The following CDH22 variants were observed in gnomAD, a reference collection of about 807,000 sequenced individuals.
CDH22 encodes the protein cadherin-22.
Under a neutral mutation model 58.4 loss-of-function variants are expected in CDH22, and 30 were observed. The observed-to-expected ratio is 0.51, with a 90% confidence interval of 0.38 to 0.70. The LOEUF (loss-of-function observed/expected upper bound fraction) is 0.70, where lower values mean the gene tolerates loss of function less well. CDH22 is among the 30% of genes least tolerant of loss of function. CDH22 has a pLI of 0.00. For synonymous variants in CDH22, 513 were observed against 558.2 expected (o/e 0.92, Z 1.14); for missense variants, 1,014 against 1,233.9 (o/e 0.82, Z 2.67).
chr20:46,250,098 A>G (rs1386427269), intron 2 of CDH22, among the ~76,000 whole-genome samples: 2 of 152,238 alleles, frequency 1.3e-5, no homozygotes, highest in Non-Finnish European at 2.9e-5. Flanking sequence ...CAAGGGGCTC[A>G]GGAATTGAAT....
In CDH22 at chr20:46,210,008, A is replaced by G. The variant is rs1416970565; in HGVS notation, c.1286+299T>C. The G allele has an allele frequency of 9.4e-6, 3 of 320,040 alleles. No homozygotes were observed. The highest frequency in any genetic ancestry group is 1.7e-5 in the Non-Finnish European group (3 of 175,120). The allele number at this position is 320,040 out of a possible 1,614,324, so 19.8% of individuals were successfully genotyped here. A position where few individuals can be genotyped will look rare whatever the true frequency, so the allele number is the denominator to read the frequency against. ...GGGAGCCAGTGTGGCTGCAGCCAGC[A>G]GCGCGGAGACCCCGCCAGTGCAGTG... is the stretch of plus-strand genomic sequence containing the variant. On this transcript the variant is annotated intron_variant, in intron 7 of 11. Transcript: ENST00000537909. The surrounding 1 kb of genome is among the most constrained non-coding windows in gnomAD (Gnocchi z 4.5).
intron 2 of CDH22, among the ~76,000 whole-genome samples, chr20:46,247,925 T>C (rs2086342506): frequency 1.3e-5 from 2 of 152,166 alleles, no homozygotes; most frequent in African/African-American, 4.8e-5. Context: ...GGGTGACAAG[T>C]CACAACAGCA....
At chr20:46,183,769 G>GC (rs3092413) in intron 10 of CDH22, among the ~76,000 whole-genome samples, 152,034 of 152,254 alleles carry the variant, frequency 1, 75,907 homozygotes, top group Non-Finnish European at 1. Context: ...GGCCACTAAG[G>GC]CTCCGCATTG....
rs542341765 is a variant in CDH22 at position 46,236,127 on chromosome 20, C to T, written c.550+4836G>A. ...TCTGCCTGGAACATTCTTCTTGTAG[C>T]TTAGTGGTTGTCCAAGTATGGTCTC... On this transcript the variant is annotated intron_variant, in intron 3 of 11. Coordinates refer to ENST00000537909, the MANE Select transcript of CDH22 (RefSeq NM_021248.3). Among the ~76,000 whole-genome samples, 3 of 152,222 alleles carry T rather than the reference C, an allele frequency of 2.0e-5. No homozygotes were observed. The East Asian group carries it at 5.8e-4, about 29-fold the overall frequency.
intron 1 of CDH22, among the ~76,000 whole-genome samples, chr20:46,266,254 G>T (rs2086459115): frequency 6.6e-6 from 1 of 152,200 alleles, no homozygotes; most frequent in Non-Finnish European, 1.5e-5. Flanking sequence ...CTCTGGGCTG[G>T]GGTGGGAACT....
chr20:46,206,817 C>T (rs2086004998), intron 7 of CDH22, among the ~76,000 whole-genome samples: 1 of 152,234 alleles, frequency 6.6e-6, no homozygotes, highest in African/African-American at 2.4e-5. Context: ...GTTTTATCAT[C>T]TCTGCTTCCT....
chr20:46,287,308 T>C (rs2086580726), intron 1 of CDH22, among the ~76,000 whole-genome samples: 1 of 152,220 alleles, frequency 6.6e-6, no homozygotes, highest in Admixed American at 6.5e-5. Context: ...GAGTAAGAAG[T>C]ACTCCGTAAG....
intron 3 of CDH22, among the ~76,000 whole-genome samples, chr20:46,230,355 C>A (rs894048572): frequency 5.9e-5 from 9 of 152,198 alleles, no homozygotes; most frequent in Non-Finnish European, 1.3e-4. Context: ...TTGCTGATTT[C>A]CATGGTGTAA....
intron 4 of CDH22, chr20:46,220,529 G>C (rs998548185): frequency 1.3e-5 from 2 of 152,484 alleles, no homozygotes; most frequent in Admixed American, 6.5e-5. Context: ...CTTTGTGCTG[G>C]TCACTTGCCA....
In CDH22 at chr20:46,223,651, CTTTCTTT is replaced by C. The variant is rs1568664048; in HGVS notation, c.670+3850_670+3856del. Among the ~76,000 whole-genome samples the C allele has an allele frequency of 6.9e-4, 100 of 145,538 alleles. 1 individual carries two copies. The highest frequency in any genetic ancestry group is 1.8e-3 in the African/African-American group (70 of 39,308). ...CTTTTTTCTTTCTTTCTTTCTTTCT[CTTTCTTT>C]TTCTTTCCTTCTTTCTTTCTTTCTT... On this transcript the variant is annotated intron_variant, in intron 4 of 11. Coordinates refer to ENST00000537909, the MANE Select transcript of CDH22 (RefSeq NM_021248.3).
At chr20:46,286,101 G>C (rs2086575795) in intron 1 of CDH22, among the ~76,000 whole-genome samples, 1 of 152,160 alleles carries the variant, frequency 6.6e-6, no homozygotes. Context: ...TTTTCTACAA[G>C]GAAAAGAGAA....
chr20:46,237,864 G>A lies in CDH22; in HGVS notation c.550+3099C>T, dbSNP rs181613979. On this transcript the variant is annotated intron_variant, in intron 3 of 11. Coordinates refer to ENST00000537909, the MANE Select transcript of CDH22 (RefSeq NM_021248.3). Reference sequence around the variant, plus strand: ...GCCATTCCAACAACCTGGGAGCCACGCCCAGCAACTTGCTCTGTCACTGAC... The same window carrying A: ...GCCATTCCAACAACCTGGGAGCCACACCCAGCAACTTGCTCTGTCACTGAC... Among the ~76,000 whole-genome samples, 58 of 152,282 alleles carry A rather than the reference G, an allele frequency of 3.8e-4. No individual in the cohort carries two copies. In the East Asian group the frequency reaches 9.5e-3, roughly 25 times the overall value.
intron 4 of CDH22, among the ~76,000 whole-genome samples, chr20:46,223,710 TTTC>T (rs1355202792): frequency 6.2e-5 from 3 of 48,018 alleles, no homozygotes; most frequent in Non-Finnish European, 9.8e-5. Context: ...TCTTTCTTTC[TTTC>T]TTTTTCTTTC....
chr20:46,246,632 G>C (rs1037322103), intron 2 of CDH22, among the ~76,000 whole-genome samples: 1 of 152,112 alleles, frequency 6.6e-6, no homozygotes, highest in Non-Finnish European at 1.5e-5. Context: ...GGAGCTGTTT[G>C]TGTGGGGCCT....
At chr20:46,307,406 T>C in intron 1 of CDH22, among the ~76,000 whole-genome samples, 1 of 152,072 alleles carries the variant, frequency 6.6e-6, no homozygotes, top group East Asian at 1.9e-4. Context: ...GCCCACGCAG[T>C]CCACTCTTCA....
At chr20:46,293,291 C>G (rs1046771515) in intron 1 of CDH22, among the ~76,000 whole-genome samples, 14 of 152,160 alleles carry the variant, frequency 9.2e-5, no homozygotes, top group Non-Finnish European at 1.9e-4. Context: ...ATAAAAAATG[C>G]TTTTATCCTC....
chr20:46,200,277 C>A (rs1180013426), intron 7 of CDH22, among the ~76,000 whole-genome samples: 1 of 151,582 alleles, frequency 6.6e-6, no homozygotes, highest in Non-Finnish European at 1.5e-5. Context: ...GCCCGGCCCT[C>A]TTTTCTTTCT....
chr20:46,210,640 C>T lies in CDH22; in HGVS notation c.1033-80G>A, dbSNP rs1219829228. 4.4e-5 allele frequency: 59 copies of T among 1,328,810 alleles called. No homozygotes were observed. The highest frequency in any genetic ancestry group is 2.0e-5 in the South Asian group (1 of 49,364). The allele number at this position is 1,328,810 out of a possible 1,614,324, so 82.3% of individuals were successfully genotyped here. On this transcript the variant is annotated intron_variant, in intron 6 of 11. Coordinates refer to ENST00000537909, the MANE Select transcript of CDH22 (RefSeq NM_021248.3). This position sits in a 1 kb window ranked among gnomAD's most constrained non-coding sequence, Gnocchi z 4.5. ...CCTTCACGAGGGAGGCCAAGGCAGG[C>T]GGGGTTGGCCCAAGGTCACACGTTG...
At chr20:46,266,345 A>C (rs1029658746) in intron 1 of CDH22, among the ~76,000 whole-genome samples, 1 of 152,158 alleles carries the variant, frequency 6.6e-6, no homozygotes, top group African/African-American at 2.4e-5. Flanking sequence ...TGGGTCATTC[A>C]GGGGCCAAGC....
Sources: allele counts gnomAD v4.1 joint callset (sites outside exome capture counted in the v4.1 genomes callset), GRCh38; gene constraint gnomAD v4.1.1; non-coding constraint Gnocchi (gnomAD v3.1); transcripts MANE v1.5; gene names NCBI Gene and HGNC (gene_info 2026-07-23, HGNC 2026-07-21).